The following NEDD4L variants were observed in gnomAD, a reference collection of about 807,000 sequenced individuals.
The protein encoded by NEDD4L is NEDD4 like E3 ubiquitin protein ligase.
A neutral mutation model predicts 148.9 loss-of-function variants in NEDD4L; 54 were observed. The observed-to-expected ratio is 0.36, with a 90% CI of 0.29 to 0.45. The LOEUF (loss-of-function observed/expected upper bound fraction) is 0.45, where lower values mean the gene tolerates loss of function less well. NEDD4L is among the 20% of genes least tolerant of loss of function. NEDD4L has a pLI of 1.00. For missense variants in NEDD4L, 856 were observed against 1,233.8 expected (o/e 0.69, Z 4.59); for synonymous variants, 433 against 440.7 (o/e 0.98, Z 0.22).
At chr18:58,230,669 T>G (rs1325154772) in intron 2 of NEDD4L, among the ~76,000 whole-genome samples, 1 of 152,188 alleles carries the variant, frequency 6.6e-6, no homozygotes, top group Non-Finnish European at 1.5e-5. Flanking sequence ...AGACCCTGTT[T>G]CCGAAGAAGG....
chr18:58,285,987 T>G (rs1477252412), intron 5 of NEDD4L, among the ~76,000 whole-genome samples: 1 of 152,240 alleles, frequency 6.6e-6, no homozygotes, highest in East Asian at 1.9e-4. Context: ...TCTAAGTAGC[T>G]ATACACAATT....
chr18:58,219,160 A>T (rs1868824034), intron 2 of NEDD4L, among the ~76,000 whole-genome samples: 1 of 152,204 alleles, frequency 6.6e-6, no homozygotes, highest in Non-Finnish European at 1.5e-5. Context: ...GGTTAGGGAA[A>T]ATGACATAGG....
At chr18:58,361,582 A>G (rs917040147) in intron 19 of NEDD4L, among the ~76,000 whole-genome samples, 1 of 152,208 alleles carries the variant, frequency 6.6e-6, no homozygotes, top group African/African-American at 2.4e-5. Flanking sequence ...GGTCAGAATC[A>G]GGACCGGAGC....
At chr18:58,141,976 G>T (rs115024961) in intron 1 of NEDD4L, among the ~76,000 whole-genome samples, 1,722 of 151,302 alleles carry the variant, frequency 0.011, 35 homozygotes, top group African/African-American at 0.039. Flanking sequence ...AAATGTAAAG[G>T]AGCAGGCACT....
intron 4 of NEDD4L, among the ~76,000 whole-genome samples, chr18:58,250,957 A>T (rs943388770): frequency 6.6e-6 from 1 of 152,184 alleles, no homozygotes; most frequent in African/African-American, 2.4e-5. Context: ...AAGCAAAAAG[A>T]TATGGAAAGC....
At position 58,395,494 on chromosome 18, in the gene NEDD4L, C is replaced by G. The variant is rs1321486961; in HGVS notation, c.2826-673C>G. 2.0e-5 allele frequency among the ~76,000 whole-genome samples: 3 copies of G among 152,268 alleles called. No homozygotes were observed. The East Asian group carries it at 5.8e-4, about 29-fold the overall frequency. ...GCCAGGGCGATTTGCAGCCCCCGCC[C>G]CCACCTGAAGCCTCCAGATATGTAG... On this transcript the variant is annotated intron_variant, in intron 30 of 30. Transcript: ENST00000400345.
intron 5 of NEDD4L, among the ~76,000 whole-genome samples, chr18:58,294,072 C>G (rs1322071599): frequency 1.3e-5 from 2 of 152,184 alleles, no homozygotes; most frequent in Non-Finnish European, 2.9e-5. Context: ...GTCTTTGGTG[C>G]CATGAACACC....
At chr18:58,261,467 G>T (rs1030969825) in intron 5 of NEDD4L, among the ~76,000 whole-genome samples, 31 of 152,190 alleles carry the variant, frequency 2.0e-4, no homozygotes, top group Admixed American at 1.3e-4. Flanking sequence ...TTGGGAATAT[G>T]TCTTATTTTA....
At chr18:58,338,059 G>A (rs1484288920) in intron 13 of NEDD4L, among the ~76,000 whole-genome samples, 2 of 152,176 alleles carry the variant, frequency 1.3e-5, no homozygotes, top group East Asian at 3.8e-4. Flanking sequence ...TGTCAAAGTG[G>A]TTATTTTTAA....
intron 1 of NEDD4L, among the ~76,000 whole-genome samples, chr18:58,112,446 T>G (rs868114018): frequency 2.2e-4 from 33 of 151,174 alleles, no homozygotes; most frequent in African/African-American, 7.7e-4. Flanking sequence ...AACTATCAAT[T>G]GTATTTTCAG....
chr18:58,267,003 T>C (rs577019641), intron 5 of NEDD4L, among the ~76,000 whole-genome samples: 1 of 152,116 alleles, frequency 6.6e-6, no homozygotes, highest in Non-Finnish European at 1.5e-5. Flanking sequence ...TGCAGTTATA[T>C]CTGGGTCTAA....
chr18:58,215,547 A>G (rs542576997), intron 2 of NEDD4L, among the ~76,000 whole-genome samples: 37 of 152,288 alleles, frequency 2.4e-4, no homozygotes, highest in African/African-American at 7.5e-4. Flanking sequence ...GATTTATTGT[A>G]TATCTTGTAT....
chr18:58,335,518 C>A lies in NEDD4L; in HGVS notation c.1106C>A (p.Thr369Lys). ...GGGAGAGCGCGTTCATCAACTGTCA[C>A]GGGTGGTGAGGAACCAACGGTAATG... ...PAGRARSSTV[T>K]GGEEPTPSVA... Residue 369 changes from threonine to lysine, a missense_variant, in exon 13 of 31, where the codon ACG (threonine) becomes AAG (lysine). Physicochemically the swap from Thr to Lys is moderately conservative, Grantham distance 78. Around this residue, in one of 4 missense-constraint regions of NEDD4L, gnomAD observed 367 missense variants for 422.7 expected, o/e 0.87. Coordinates refer to ENST00000400345, the MANE Select transcript of NEDD4L (RefSeq NM_001144967.3). 6.2e-7 allele frequency: 1 copy of A among 1,613,480 alleles called. No homozygotes were observed. Among genetic ancestry groups the A allele is most frequent in the Non-Finnish European group, 8.5e-7 (1 of 1,179,482 alleles).
intron 1 of NEDD4L, among the ~76,000 whole-genome samples, chr18:58,122,964 C>G (rs985933474): frequency 1.3e-5 from 2 of 152,138 alleles, no homozygotes; most frequent in Admixed American, 1.3e-4. Flanking sequence ...AACTCCTGAC[C>G]TCAAGTGATC....
At chr18:58,089,126 A>ATTTTTTT (rs570623396) in intron 1 of NEDD4L, among the ~76,000 whole-genome samples, 54 of 100,964 alleles carry the variant, frequency 5.3e-4, no homozygotes, top group African/African-American at 9.2e-4. Flanking sequence ...TTATTTCATA[A>ATTTTTTT]TTTTTTTTTT....
intron 2 of NEDD4L, among the ~76,000 whole-genome samples, chr18:58,218,630 T>C (rs1433507018): frequency 6.6e-6 from 1 of 152,212 alleles, no homozygotes; most frequent in African/African-American, 2.4e-5. Context: ...AACTGAAGTA[T>C]CTGTCTTAAG....
At chr18:58,377,192 T>C (rs1157460147) in intron 24 of NEDD4L, among the ~76,000 whole-genome samples, 6 of 152,186 alleles carry the variant, frequency 3.9e-5, no homozygotes, top group Admixed American at 3.9e-4. Flanking sequence ...GTTGTTGATG[T>C]GGAAATCTAG....
At chr18:58,333,348 T>A (rs2041278139) in intron 11 of NEDD4L, among the ~76,000 whole-genome samples, 1 of 152,238 alleles carries the variant, frequency 6.6e-6, no homozygotes, top group African/African-American at 2.4e-5. Context: ...AGATGATGTC[T>A]GAGCTCCTCT....
At chr18:58,060,077 C>T (rs1184017689) in intron 1 of NEDD4L, among the ~76,000 whole-genome samples, 2 of 150,522 alleles carry the variant, frequency 1.3e-5, no homozygotes, top group African/African-American at 4.9e-5. Flanking sequence ...GTTGTAGACA[C>T]CCGGAGTGGA....
Sources: allele counts gnomAD v4.1 joint callset (sites outside exome capture counted in the v4.1 genomes callset), GRCh38; gene constraint gnomAD v4.1.1; regional missense constraint gnomAD v4.1.1; transcripts MANE v1.5; gene names NCBI Gene and HGNC (gene_info 2026-07-23, HGNC 2026-07-21).